MYO16: variants seen among roughly 807,000 people sequenced by gnomAD.
MYO16 encodes myosin XVI.
Under a neutral mutation model 205.3 loss-of-function variants are expected in MYO16, and 94 were observed. The observed-to-expected ratio is 0.46, with a 90% confidence interval of 0.39 to 0.54. The LOEUF (loss-of-function observed/expected upper bound fraction) is 0.54. MYO16 is among the 20% of genes least tolerant of loss of function. The probability of loss-of-function intolerance (pLI) is 0.00; values close to 1 mark genes in which losing one functional copy is unlikely to be tolerated. For synonymous variants in MYO16, 988 were observed against 954.0 expected (o/e 1.04, Z -0.66); for missense variants, 2,315 against 2,387.5 (o/e 0.97, Z 0.63).
At chr13:108,737,026 G>A (rs1208156356) in intron 4 of MYO16, among the ~76,000 whole-genome samples, 3 of 152,196 alleles carry the variant, frequency 2.0e-5, no homozygotes, top group Non-Finnish European at 1.5e-5. Flanking sequence ...ATCAGCTTAA[G>A]GAGATTTTGG....
intron 3 of MYO16, among the ~76,000 whole-genome samples, chr13:108,718,131 A>C (rs560619366): frequency 4.6e-4 from 70 of 152,310 alleles, no homozygotes; most frequent in Non-Finnish European, 7.9e-4. Context: ...ACAGCCTAAT[A>C]TCTTCAAAGT....
intron 16 of MYO16, among the ~76,000 whole-genome samples, chr13:108,913,973 A>G (rs1881376641): frequency 6.6e-6 from 1 of 152,070 alleles, no homozygotes; most frequent in Non-Finnish European, 1.5e-5. Context: ...TTTTGTCTAT[A>G]AATTTGTTCT....
At chr13:108,808,295 C>G (rs1057092756) in intron 7 of MYO16, among the ~76,000 whole-genome samples, 13 of 76,780 alleles carry the variant, frequency 1.7e-4, no homozygotes, top group African/African-American at 4.4e-4. Flanking sequence ...GAACCTTCTT[C>G]TTTGCTTTTT....
chr13:108,813,058 AAGGAGACTGAGG>A (rs1023903279), intron 7 of MYO16, among the ~76,000 whole-genome samples: 3 of 152,184 alleles, frequency 2.0e-5, no homozygotes, highest in Non-Finnish European at 4.4e-5. Context: ...AGTTCCATAA[AAGGAGACTGAGG>A]AGGGGTTGGA....
intron 16 of MYO16, among the ~76,000 whole-genome samples, chr13:108,920,751 G>A (rs569307163): frequency 2.0e-5 from 3 of 152,108 alleles, no homozygotes; most frequent in African/African-American, 4.8e-5. Flanking sequence ...GAGCCACTAT[G>A]CCCAGCCATC....
intron 23 of MYO16, among the ~76,000 whole-genome samples, chr13:109,022,732 T>TATATTA (rs1181597974): frequency 8.6e-5 from 1 of 11,640 alleles, no homozygotes; most frequent in Admixed American, 1.1e-3. Flanking sequence ...AACATATGTA[T>TATATTA]ATATTATATA....
rs573880895 is a variant in MYO16 at position 108,921,141 on chromosome 13, G to T, written c.1925+10991G>T. ...AGTCACTGTTCAGCTGATATAGTCG[G>T]TGTTTCTTTTTCTCTCAACCTCTCC... On this transcript the variant is annotated intron_variant, in intron 16 of 34. Transcript: ENST00000457511. Among the ~76,000 whole-genome samples, 9 of 152,316 alleles carry T rather than the reference G, an allele frequency of 5.9e-5. No individual in the cohort carries two copies. The East Asian group carries it at 7.7e-4, about 13-fold the overall frequency.
At chr13:108,587,598 T>C in the MYO16 span, among the ~76,000 whole-genome samples, 5 of 152,304 alleles carry the variant, frequency 3.3e-5, no homozygotes, top group African/African-American at 9.6e-5. Flanking sequence ...ATTGACAAGG[T>C]ATATTTTATG....
chr13:108,923,861 C>T (rs1252473105), intron 16 of MYO16, among the ~76,000 whole-genome samples: 1 of 152,172 alleles, frequency 6.6e-6, no homozygotes, highest in Non-Finnish European at 1.5e-5. Flanking sequence ...ATGAATTATT[C>T]TTAGATCAGC....
rs1277652933 is a variant in MYO16 at position 109,116,434 on chromosome 13, C to T, written c.3439-3936C>T. Reference sequence around the variant, plus strand: ...CTTCCTCTCATTTGTGCTTCGATTGCAACGCTGCTCCTTCCCAGCCATTAT... The same window carrying T: ...CTTCCTCTCATTTGTGCTTCGATTGTAACGCTGCTCCTTCCCAGCCATTAT... On this transcript the variant is annotated intron_variant, in intron 28 of 34. Transcript: ENST00000457511. Among the ~76,000 whole-genome samples the T allele has an allele frequency of 3.9e-5, 6 of 152,204 alleles. No homozygotes were observed. The East Asian group carries it at 9.7e-4, about 25-fold the overall frequency.
At chr13:108,711,486 G>A (rs531249849) in intron 2 of MYO16, among the ~76,000 whole-genome samples, 7 of 152,222 alleles carry the variant, frequency 4.6e-5, no homozygotes, top group Non-Finnish European at 8.8e-5. Context: ...CAGGATGCAC[G>A]GGGCAGGGCA....
chr13:108,798,754 GGACTGCA>G (rs1886877008), intron 6 of MYO16, among the ~76,000 whole-genome samples: 1 of 120,182 alleles, frequency 8.3e-6, no homozygotes, highest in Non-Finnish European at 1.6e-5. Context: ...GCCGGACTGC[GGACTGCA>G]GTGGCGGAAT....
In MYO16 at chr13:108,615,394, T is replaced by G. The variant is rs181003621; in HGVS notation, c.-39+19155T>G. On this transcript the variant is annotated intron_variant, in intron 1 of 24. Coordinates refer to the MYO16 transcript ENST00000251041. ...TGCCCTCTTTGGAAAAATTTGGCAG[T>G]TCTGCGAAATTTTTAATGTAGTGTT... Among the ~76,000 whole-genome samples, 281 of 152,194 alleles carry G rather than the reference T, an allele frequency of 1.8e-3. No homozygotes were observed. The Middle Eastern group carries it at 0.02, about 11-fold the overall frequency.
intron 21 of MYO16, 31 bp from the exon 22 acceptor site, chr13:109,008,866 G>A: frequency 6.2e-7 from 1 of 1,602,994 alleles, no homozygotes; most frequent in Non-Finnish European, 8.5e-7. Flanking sequence ...GTACTATCTG[G>A]TGAAATGTTT....
chr13:109,006,990 A>G (rs976151002), intron 21 of MYO16, among the ~76,000 whole-genome samples: 4 of 152,118 alleles, frequency 2.6e-5, no homozygotes, highest in African/African-American at 9.7e-5. Context: ...AGGAGAGGGG[A>G]GAAAGTGCTC....
Position 109,069,261 on chromosome 13 carries a change from A to G in MYO16, c.3335+13666A>G, listed in dbSNP as rs74119812. On this transcript the variant is annotated intron_variant, in intron 27 of 34. Transcript: ENST00000457511. ...CAGTTCCAATGGAATTGAAATCCCA[A>G]ATCTGATTATCTTGCCTTTCTGAGT... is the stretch of plus-strand genomic sequence containing the variant. Among the ~76,000 whole-genome samples the G allele has an allele frequency of 3.2e-3, 492 of 152,308 alleles. 2 individuals are homozygous for G. The highest frequency in any genetic ancestry group is 0.011 in the African/African-American group (465 of 41,564).
chr13:108,647,736 T>C (rs755557978), intron 1 of MYO16, among the ~76,000 whole-genome samples: 10 of 152,236 alleles, frequency 6.6e-5, no homozygotes, highest in Non-Finnish European at 1.2e-4. Flanking sequence ...TTTTTAGATA[T>C]AGGTATATTT....
At chr13:108,823,404 C>A in intron 9 of MYO16, 126 bp downstream of exon 9, 1 of 767,092 alleles carries the variant, frequency 1.3e-6, no homozygotes, top group Non-Finnish European at 2.0e-6. Context: ...AATGTATATA[C>A]CAAAGAATAC....
chr13:108,667,031 T>C (rs1316027256), intron 2 of MYO16, among the ~76,000 whole-genome samples: 1 of 152,224 alleles, frequency 6.6e-6, no homozygotes, highest in East Asian at 1.9e-4. Flanking sequence ...ACTCACAATT[T>C]GGAATCCAAA....
Sources: allele counts gnomAD v4.1 joint callset (sites outside exome capture counted in the v4.1 genomes callset), GRCh38; gene constraint gnomAD v4.1.1; transcripts MANE v1.5; gene names NCBI Gene and HGNC (gene_info 2026-07-23, HGNC 2026-07-21).